The following DCC variants were observed in gnomAD, a reference collection of about 807,000 sequenced individuals.
DCC encodes DCC netrin 1 receptor, also known as netrin receptor DCC.
In DCC, 58 loss-of-function variants were observed where a neutral mutation model predicts 172.5. That is an observed-to-expected ratio of 0.34 (90% confidence interval 0.27 to 0.42). The LOEUF is 0.42. Ranked by LOEUF, DCC falls within the 10% of genes least tolerant of loss-of-function variation. The pLI, the probability that DCC is intolerant of heterozygous loss-of-function variation, is 1.00. For missense variants in DCC, 1,740 were observed against 1,791.0 expected (o/e 0.97, Z 0.51); for synonymous variants, 709 against 644.5 (o/e 1.10, Z -1.52).
At chr18:53,336,167 A>G (rs1262287664) in intron 14 of DCC, among the ~76,000 whole-genome samples, 1 of 152,190 alleles carries the variant, frequency 6.6e-6, no homozygotes, top group Non-Finnish European at 1.5e-5. Context: ...TCATATGTGC[A>G]AGCAGCATCT....
intron 2 of DCC, among the ~76,000 whole-genome samples, chr18:52,808,632 A>G (rs558693361): frequency 2.7e-4 from 41 of 152,302 alleles, no homozygotes; most frequent in African/African-American, 9.4e-4. Context: ...CCAAAATACA[A>G]TACATAAATC....
At chr18:52,594,425 A>G (rs1412076345) in intron 1 of DCC, among the ~76,000 whole-genome samples, 3 of 152,092 alleles carry the variant, frequency 2.0e-5, no homozygotes, top group Non-Finnish European at 4.4e-5. Context: ...GTCTGGGTGT[A>G]TATTAGTGAC....
At chr18:53,151,650 A>G (rs965534522) in intron 7 of DCC, among the ~76,000 whole-genome samples, 1 of 149,352 alleles carries the variant, frequency 6.7e-6, no homozygotes, top group Admixed American at 7.0e-5. Flanking sequence ...AAAACAAATA[A>G]ATAAATGATT....
chr18:52,693,864 G>A (rs748622357), intron 1 of DCC, among the ~76,000 whole-genome samples: 31 of 152,116 alleles, frequency 2.0e-4, no homozygotes, highest in Non-Finnish European at 3.2e-4. Flanking sequence ...ACATGAGTAC[G>A]TGCTGATATA....
intron 5 of DCC, among the ~76,000 whole-genome samples, chr18:53,038,383 T>C (rs898450705): frequency 6.6e-6 from 1 of 151,946 alleles, no homozygotes; most frequent in African/African-American, 2.4e-5. Flanking sequence ...AGCACTATTC[T>C]TATCATCGCC....
chr18:53,047,128 G>A (rs1359741064), intron 5 of DCC, among the ~76,000 whole-genome samples: 2 of 148,424 alleles, frequency 1.3e-5, no homozygotes, highest in African/African-American at 2.5e-5. Flanking sequence ...AGGTAAATAT[G>A]TTTATCAACT....
intron 27 of DCC, among the ~76,000 whole-genome samples, chr18:53,518,683 T>TA (rs2046366546): frequency 6.6e-6 from 1 of 152,138 alleles, no homozygotes; most frequent in African/African-American, 2.4e-5. Context: ...GATGCTCACT[T>TA]AATTAGTTGT....
intron 12 of DCC, among the ~76,000 whole-genome samples, chr18:53,217,158 G>A (rs1172210767): frequency 6.6e-6 from 1 of 151,922 alleles, no homozygotes; most frequent in Non-Finnish European, 1.5e-5. Context: ...CTTGAAACGT[G>A]TATAGGGCAT....
intron 2 of DCC, among the ~76,000 whole-genome samples, chr18:52,825,398 C>T (rs10048233): frequency 0.12 from 18,828 of 152,148 alleles, 1,373 homozygotes; most frequent in Middle Eastern, 0.22. Context: ...AATTAAGCAA[C>T]TCCTATTCCT....
At chr18:52,783,010 T>G (rs1321454496) in intron 2 of DCC, among the ~76,000 whole-genome samples, 2 of 152,064 alleles carry the variant, frequency 1.3e-5, no homozygotes, top group African/African-American at 4.8e-5. Context: ...TAAAGGAAGC[T>G]AAAAACAAGA....
chr18:53,335,414 T>C (rs1449668043), intron 14 of DCC, among the ~76,000 whole-genome samples: 1 of 152,166 alleles, frequency 6.6e-6, no homozygotes, highest in Non-Finnish European at 1.5e-5. Flanking sequence ...AGGAGATGCA[T>C]AGTAGTTGTT....
At chr18:52,529,584 C>T (rs1169058424) in intron 1 of DCC, among the ~76,000 whole-genome samples, 1 of 152,202 alleles carries the variant, frequency 6.6e-6, no homozygotes, top group African/African-American at 2.4e-5. Context: ...GCCACCGGGC[C>T]CGTGAAGCAG....
chr18:52,380,181 T>A (rs1386291964), intron 1 of DCC, among the ~76,000 whole-genome samples: 1 of 152,078 alleles, frequency 6.6e-6, no homozygotes, highest in African/African-American at 2.4e-5. Flanking sequence ...ACCTAGTCAC[T>A]TCCCCAAAAG....
intron 15 of DCC, among the ~76,000 whole-genome samples, chr18:53,342,760 CATATATATTTGGAT>C (rs938332331): frequency 3.2e-5 from 4 of 125,996 alleles, no homozygotes; most frequent in Admixed American, 2.4e-4. Flanking sequence ...GATATAAATA[CATATATATTTGGAT>C]ATATATATTT....
chr18:52,660,225 C>G (rs2035332071), intron 1 of DCC, among the ~76,000 whole-genome samples: 1 of 152,126 alleles, frequency 6.6e-6, no homozygotes, highest in South Asian at 2.1e-4. Flanking sequence ...TCTCTTCCCA[C>G]TGTTGCTAAG....
chr18:53,060,180 G>T (rs940616606), intron 5 of DCC, among the ~76,000 whole-genome samples: 1 of 134,306 alleles, frequency 7.4e-6, no homozygotes, highest in Non-Finnish European at 1.8e-5. Flanking sequence ...ATTTTTATTT[G>T]TTGCTGTTGT....
Position 53,366,118 on chromosome 18 carries a change from G to A in DCC, c.2360-19925G>A, listed in dbSNP as rs190943581. 1.8e-4 allele frequency among the ~76,000 whole-genome samples: 27 copies of A among 151,848 alleles called. No homozygotes were observed. The East Asian group carries it at 2.5e-3, about 14-fold the overall frequency. The stretch of plus-strand genomic sequence containing the variant: ...ACTGCCCAGGCTGGAGTGCAGTGGC[G>A]CGATCTTGGCTCACTGCAATCTCCG... On this transcript the variant is annotated intron_variant, in intron 15 of 28. Coordinates refer to ENST00000442544, the MANE Select transcript of DCC (RefSeq NM_005215.4).
At chr18:52,649,698 T>C (rs1007695086) in intron 1 of DCC, among the ~76,000 whole-genome samples, 3 of 152,168 alleles carry the variant, frequency 2.0e-5, no homozygotes, top group Non-Finnish European at 4.4e-5. Flanking sequence ...TACAATAATG[T>C]CCTCCAATTC....
At chr18:52,453,442 G>A (rs898826744) in intron 1 of DCC, among the ~76,000 whole-genome samples, 2 of 152,134 alleles carry the variant, frequency 1.3e-5, no homozygotes, top group Non-Finnish European at 1.5e-5. Context: ...TGTACCATGC[G>A]ATGGGCACAA....
Sources: gnomAD v4.1 joint callset for allele counts (sites outside exome capture counted in the v4.1 genomes callset) on GRCh38, gnomAD v4.1.1 for gene constraint, MANE v1.5 for transcripts, NCBI Gene and HGNC (gene_info 2026-07-23, HGNC 2026-07-21) for gene names.